Variants in RABEP2 observed in about 807,000 individuals in gnomAD.
The protein encoded by RABEP2 is rabaptin, RAB GTPase binding effector protein 2, also known as rab GTPase-binding effector protein 2.
Under a neutral mutation model 74.1 loss-of-function variants are expected in RABEP2, and 57 were observed. That is an observed-to-expected ratio of 0.77 (90% confidence interval 0.62 to 0.96). The LOEUF is 0.96. Among genes scored for constraint, RABEP2 ranks in the 40% least tolerant of loss-of-function variants. The pLI is 0.00. For synonymous variants in RABEP2, 351 were observed against 344.0 expected (o/e 1.02, Z -0.23); for missense variants, 692 against 756.3 (o/e 0.91, Z 1.00).
intron 5 of RABEP2, among the ~76,000 whole-genome samples, chr16:28,913,541 G>T (rs1964341735): frequency 6.6e-6 from 1 of 151,930 alleles, no homozygotes; most frequent in Non-Finnish European, 1.5e-5. Flanking sequence ...GAGTGCAGTG[G>T]TTTGATCTTG....
chr16:28,925,070 GT>G, intron 1 of RABEP2, 32 bp downstream of exon 1: 1 of 1,524,860 alleles, frequency 6.6e-7, no homozygotes, highest in Non-Finnish European at 8.7e-7. Flanking sequence ...CAGCATCACC[GT>G]TCCCCGCTTG....
intron 2 of RABEP2, among the ~76,000 whole-genome samples, chr16:28,923,133 C>T (rs752819953): frequency 6.6e-6 from 1 of 152,214 alleles, no homozygotes; most frequent in East Asian, 1.9e-4. Flanking sequence ...CCTGGCCAGG[C>T]GCGGTGGCTC....
At chr16:28,920,505 C>T (rs1567499609) in intron 2 of RABEP2, among the ~76,000 whole-genome samples, 2 of 151,650 alleles carry the variant, frequency 1.3e-5, no homozygotes, top group South Asian at 2.1e-4. Context: ...CGTGCCTCAG[C>T]GTCCTGTGTA....
chr16:28,916,897 T>C (rs1221309100), intron 3 of RABEP2, among the ~76,000 whole-genome samples: 1 of 149,564 alleles, frequency 6.7e-6, no homozygotes, highest in Non-Finnish European at 1.5e-5. Flanking sequence ...GGAAGGAGAA[T>C]TGCTTGAACC....
In RABEP2 at chr16:28,905,042, C is replaced by T. The variant is rs367595150; in HGVS notation, c.1611G>A (p.Val537=). The change falls in exon 13 of 13, where the codon GTG becomes GTA. Residue 537 remains valine, a splice_region_variant and synonymous_variant. Coordinates refer to ENST00000358201, the MANE Select transcript of RABEP2 (RefSeq NM_024816.3). The part of the protein sequence containing the change: ...DFVRLSQALQ[V]RLERIRQAET... ...CAGCCTGGCGGATCCGCTCTAGGCG[C>T]ACCTGCCGGATCGGACGAGGGGAGC... 6.2e-7 allele frequency: 1 copy of T among 1,602,362 alleles called. No homozygotes were observed. The highest frequency in any genetic ancestry group is 8.5e-7 in the Non-Finnish European group (1 of 1,177,088).
chr16:28,914,297 T>C lies in RABEP2; in HGVS notation c.833A>G (p.Tyr278Cys), dbSNP rs1368720623. 3 of 1,612,604 alleles carry C rather than the reference T, an allele frequency of 1.9e-6. No homozygotes were observed. The highest frequency in any genetic ancestry group is 2.2e-5 in the East Asian group (1 of 44,872). The change falls in exon 5 of 13, where the codon TAC (tyrosine) becomes TGC (cysteine). Residue 278 changes from tyrosine (Y) to cysteine (C), a missense_variant. Physicochemically the swap from Tyr to Cys is radical, Grantham distance 194 (BLOSUM62 -2). Coordinates refer to ENST00000358201, the MANE Select transcript of RABEP2 (RefSeq NM_024816.3). Reference sequence around the variant, plus strand: ...GAGCTGGTAGCCAGGAGGGGGCAGGTAGATGCCCTCGGGAACCAGGGTGCC... The same window carrying C: ...GAGCTGGTAGCCAGGAGGGGGCAGGCAGATGCCCTCGGGAACCAGGGTGCC... Reference protein sequence around the residue: ...STGTLVPEGIYLPPPGYQLVP... With the variant: ...STGTLVPEGICLPPPGYQLVP...
chr16:28,921,036 G>C (rs1567499751), intron 2 of RABEP2: 3 of 367,582 alleles, frequency 8.2e-6, no homozygotes, highest in East Asian at 7.7e-5. Flanking sequence ...GCTAATTTTT[G>C]TATTTTTTGT....
At chr16:28,913,359 G>T (rs1417379314) in intron 5 of RABEP2, among the ~76,000 whole-genome samples, 1 of 151,932 alleles carries the variant, frequency 6.6e-6, no homozygotes, top group East Asian at 1.9e-4. Flanking sequence ...GCATCTCCCT[G>T]GTGACAATGT....
chr16:28,908,565 C>A, intron 8 of RABEP2, 44 bp downstream of exon 8: 2 of 1,548,554 alleles, frequency 1.3e-6, no homozygotes, highest in Non-Finnish European at 8.7e-7. Flanking sequence ...GAAGAAGGGG[C>A]CCTCACGGTG....
At chr16:28,907,868 C>A (rs1964256680) in intron 8 of RABEP2, among the ~76,000 whole-genome samples, 2 of 152,040 alleles carry the variant, frequency 1.3e-5, no homozygotes, top group Non-Finnish European at 2.9e-5. Flanking sequence ...GGCGCGATTT[C>A]GGCTCACTGC....
Position 28,919,937 on chromosome 16 carries a change from A to C in RABEP2, c.281T>G (p.Ile94Ser), listed in dbSNP as rs956309858. Residue 94 changes from isoleucine (I) to serine (S), a missense_variant, in exon 3 of 13, where the codon ATC (isoleucine) becomes AGC (serine). Physicochemically the swap from Ile to Ser is moderately radical, Grantham distance 142 (BLOSUM62 -2). Transcript: ENST00000358201. Reference protein sequence around the residue: ...ASLQAILKDSISSYEAQITAL... With the variant: ...ASLQAILKDSSSSYEAQITAL... ...GGTGATCTGGGCTTCATAGCTGCTGATGGAGTCTGGTGGGGGAGAGGGAGG... is the reference window on the plus strand; with the variant it reads ...GGTGATCTGGGCTTCATAGCTGCTGCTGGAGTCTGGTGGGGGAGAGGGAGG... 3.0e-6 allele frequency: 2 copies of C among 661,504 alleles called. No individual in the cohort carries two copies. Among genetic ancestry groups the C allele is most frequent in the Non-Finnish European group, 5.2e-6 (2 of 385,640 alleles). The allele number at this position is 661,504 out of a possible 1,614,324, so 41.0% of individuals were successfully genotyped here.
At chr16:28,921,632 T>C (rs1038188304) in intron 2 of RABEP2, among the ~76,000 whole-genome samples, 1 of 148,284 alleles carries the variant, frequency 6.7e-6, no homozygotes. Flanking sequence ...GGAGGTGATG[T>C]TGGATAGAAC....
intron 8 of RABEP2, among the ~76,000 whole-genome samples, chr16:28,907,096 C>T (rs1192776350): frequency 1.3e-5 from 2 of 151,340 alleles, no homozygotes; most frequent in Admixed American, 6.6e-5. Flanking sequence ...AGGAGGTGCC[C>T]GGAAGTGGAC....
At chr16:28,923,446 C>A (rs957943683) in intron 2 of RABEP2, among the ~76,000 whole-genome samples, 5 of 151,790 alleles carry the variant, frequency 3.3e-5, no homozygotes, top group Admixed American at 6.6e-5. Context: ...AAAAAGCTAG[C>A]TATTGTTATT....
chr16:28,905,271 G>T, intron 12 of RABEP2, 126 bp downstream of exon 12: 2 of 761,166 alleles, frequency 2.6e-6, no homozygotes, highest in East Asian at 2.6e-5. Flanking sequence ...AACAGCTCAG[G>T]ACAGGACCAT....
rs147896309 is a variant in RABEP2 at position 28,915,986 on chromosome 16, C to T, written c.433-1204G>A. Among the ~76,000 whole-genome samples, 340 of 152,192 alleles carry T rather than the reference C, an allele frequency of 2.2e-3. 5 individuals carry two copies. Among genetic ancestry groups the T allele is most frequent in the African/African-American group, 7.9e-3 (327 of 41,520 alleles). On this transcript the variant is annotated intron_variant, in intron 3 of 12. Coordinates refer to ENST00000358201, the MANE Select transcript of RABEP2 (RefSeq NM_024816.3). ...TCCCAAGTAGCTAGAATTACAGATG[C>T]GTGCCACCACGCCCAGCTAATTTTT...
At chr16:28,914,902 C>G in intron 3 of RABEP2, 120 bp from the exon 4 acceptor site, 1 of 779,278 alleles carries the variant, frequency 1.3e-6, no homozygotes, top group Non-Finnish European at 2.1e-6. Flanking sequence ...AAGGTGCTGT[C>G]CACCCTCATT....
In RABEP2 at chr16:28,921,177, A is replaced by G. The variant is rs751666246; in HGVS notation, c.275-1234T>C. 4.6e-5 allele frequency: 21 copies of G among 455,734 alleles called. 1 individual carries two copies. Among genetic ancestry groups the G allele is most frequent in the South Asian group, 2.8e-4 (18 of 64,556 alleles). 28.2% of individuals were successfully genotyped at this position (455,734 alleles called of 1,614,324 possible). A position where few individuals can be genotyped will look rare whatever the true frequency, so the allele number is the denominator to read the frequency against. On this transcript the variant is annotated intron_variant, in intron 2 of 12. Coordinates refer to ENST00000358201, the MANE Select transcript of RABEP2 (RefSeq NM_024816.3). ...CCACACCCGGCCCTTAATCGTAGTAATAAATATTTACGCTGGATCAGACTC... is the reference window on the plus strand; with the variant it reads ...CCACACCCGGCCCTTAATCGTAGTAGTAAATATTTACGCTGGATCAGACTC...
At position 28,925,072 on chromosome 16, in the gene RABEP2, TC is replaced by T. The variant is rs537083256; in HGVS notation, c.61+30del. The stretch of plus-strand genomic sequence containing the variant: ...TCGGCCCCGCCCCCAGCATCACCGT[TC>T]CCCGCTTGCACGGACGCCCCCTCAC... On this transcript the variant is annotated intron_variant, in intron 1 of 12. Coordinates refer to ENST00000358201, the MANE Select transcript of RABEP2 (RefSeq NM_024816.3). 1.9e-6 allele frequency: 3 copies of T among 1,548,322 alleles called. No homozygotes were observed. The South Asian group carries it at 3.5e-5, about 18-fold the overall frequency.
Sources: allele counts gnomAD v4.1 joint callset (sites outside exome capture counted in the v4.1 genomes callset), GRCh38; gene constraint gnomAD v4.1.1; transcripts MANE v1.5; gene names NCBI Gene and HGNC (gene_info 2026-07-23, HGNC 2026-07-21).